The following OR5M1 variants were observed in gnomAD, a reference collection of about 807,000 sequenced individuals.
The protein encoded by OR5M1 is olfactory receptor 5M1.
For synonymous variants in OR5M1, 165 were observed against 144.2 expected (o/e 1.14, Z -1.04); for missense variants, 367 against 379.5 (o/e 0.97, Z 0.27).
rs1175492936 is a variant in OR5M1, at chr11:56,613,116, A to G, written c.387T>C (p.Pro129=). 1.9e-6 allele frequency: 3 copies of G among 1,613,894 alleles called. No homozygotes were observed. Among genetic ancestry groups the G allele is most frequent in the Non-Finnish European group, 1.7e-6 (2 of 1,179,836 alleles). ...TGGACATCCTGGAACTGTAATGCAA[A>G]GGGCTGCAAATGGCTACATAGCGAT... The part of the protein sequence containing the change: ...ALDRYVAICS[P]LHYSSRMSKN... The change falls in exon 2 of 2, where the codon CCT becomes CCC. Residue 129 remains proline (P), a synonymous_variant. Transcript: ENST00000641076.
At chr11:56,614,619 A>C (rs991039268) in intron 1 of OR5M1, among the ~76,000 whole-genome samples, 20 of 152,162 alleles carry the variant, frequency 1.3e-4, no homozygotes, top group African/African-American at 4.8e-4. Context: ...CAAAAATTCC[A>C]CCTTAAAGCC....
In OR5M1 at chr11:56,613,403, T is replaced by A; in HGVS notation, c.100A>T (p.Ile34Phe). The change falls in exon 2 of 2, where the codon ATC becomes TTC. Residue 34 changes from isoleucine to phenylalanine, a missense_variant. Ile to Phe is a conservative substitution (Grantham distance 21). Coordinates refer to ENST00000641076, the MANE Select transcript of OR5M1 (RefSeq NM_001004740.2). ...EKILFGVFLA[I>F]YLITLAGNLC... ...TTGCCTGCCAGTGTGATTAGGTAGA[T>A]CGCAAGGAATACCCCAAACAGGATC... The A allele has an allele frequency of 6.2e-7, 1 of 1,613,646 alleles. No individual in the cohort carries two copies. The highest frequency in any genetic ancestry group is 8.5e-7 in the Non-Finnish European group (1 of 1,179,638).
At chr11:56,613,864 A>T (rs1853712985) in intron 1 of OR5M1, among the ~76,000 whole-genome samples, 1 of 152,182 alleles carries the variant, frequency 6.6e-6, no homozygotes, top group Non-Finnish European at 1.5e-5. Flanking sequence ...GGAAACAAAA[A>T]ATCCAAAGGA....
rs1853706929 is a variant in OR5M1, at chr11:56,613,376, G to A, written c.127C>T (p.Leu43=). Residue 43 remains leucine (L), a synonymous_variant, in exon 2 of 2, where the codon CTG becomes TTG. Transcript: ENST00000641076. ...GTCCTGATCAGCAGGATCATGCACAGGTTGCCTGCCAGTGTGATTAGGTAG... is the reference window on the plus strand; with the variant it reads ...GTCCTGATCAGCAGGATCATGCACAAGTTGCCTGCCAGTGTGATTAGGTAG... ...AIYLITLAGN[L]CMILLIRTNS... 7 of 1,613,562 alleles carry A rather than the reference G, an allele frequency of 4.3e-6. No individual in the cohort carries two copies. The African/African-American group carries it at 5.3e-5, about 12-fold the overall frequency.
rs1209755217 is a variant in OR5M1, at chr11:56,611,641, G to A, written c.*914C>T. 6.6e-6 allele frequency: 1 copy of A among 152,062 alleles called. No individual in the cohort carries two copies. Among genetic ancestry groups the A allele is most frequent in the African/African-American group, 2.4e-5 (1 of 41,420 alleles). 9.4% of individuals were successfully genotyped at this position (152,062 alleles called of 1,614,324 possible). ...TCTGAGATTGATTTTCTCTATAGCA[G>A]CTTCAAGAACTACTAGAACACCCTT... On this transcript the variant is annotated 3_prime_UTR_variant, in exon 2 of 2. Coordinates refer to ENST00000641076, the MANE Select transcript of OR5M1 (RefSeq NM_001004740.2).
rs769626809 is a variant in OR5M1 at position 56,612,799 on chromosome 11, T to C, written c.704A>G (p.His235Arg). ...IFRIRSAEGR[H>R]KAFSTCASHL... ...GGAAGCACACGTAGAAAAGGCTTTG[T>C]GCCTGCCTTCAGCAGAACGGATCCT... The change falls in exon 2 of 2, where the codon CAC becomes CGC. Residue 235 changes from histidine to arginine, a missense_variant. Coordinates refer to ENST00000641076, the MANE Select transcript of OR5M1 (RefSeq NM_001004740.2). The C allele has an allele frequency of 6.8e-6, 11 of 1,613,784 alleles. No homozygotes were observed. In the South Asian group the frequency reaches 7.7e-5, roughly 11 times the overall value.
Position 56,611,549 on chromosome 11 carries a change from T to C in OR5M1, c.*1006A>G, listed in dbSNP as rs546416667. The C allele has an allele frequency of 3.3e-5, 5 of 152,246 alleles. No individual in the cohort carries two copies. Among genetic ancestry groups the C allele is most frequent in the South Asian group, 2.1e-4 (1 of 4,834 alleles). The allele number at this position is 152,246 out of a possible 1,614,324, so 9.4% of individuals were successfully genotyped here. On this transcript the variant is annotated 3_prime_UTR_variant, in exon 2 of 2. Transcript: ENST00000641076. ...GCAATTTATTAGGGCTAAATACATA[T>C]GTATCAATATGCAGTCATCTGGTTG...
At position 56,612,986 on chromosome 11, in the gene OR5M1, C is replaced by T. The variant is rs1853699233; in HGVS notation, c.517G>A (p.Glu173Lys). 1 of 1,613,790 alleles carries T rather than the reference C, an allele frequency of 6.2e-7. No individual in the cohort carries two copies. The highest frequency in any genetic ancestry group is 1.1e-5 in the South Asian group (1 of 91,070). Residue 173 changes from glutamate to lysine, a missense_variant, in exon 2 of 2, where the codon GAA becomes AAA. Coordinates refer to ENST00000641076, the MANE Select transcript of OR5M1 (RefSeq NM_001004740.2). ...TFHLSFCGSL[E>K]INHFYCADPP... is the part of the protein sequence containing the mutation. ...TCAGCGCAGTAGAAATGATTGATTT[C>T]AAGGGAGCCACAGAAGGATAAGTGA...
At chr11:56,614,057 C>T (rs918938225) in intron 1 of OR5M1, among the ~76,000 whole-genome samples, 6 of 152,098 alleles carry the variant, frequency 3.9e-5, no homozygotes, top group Admixed American at 1.3e-4. Context: ...TATTCAGGAA[C>T]GATTAAACTA....
Position 56,611,728 on chromosome 11 carries a change from C to T in OR5M1, c.*827G>A, listed in dbSNP as rs139544527. On this transcript the variant is annotated 3_prime_UTR_variant, in exon 2 of 2. Coordinates refer to ENST00000641076, the MANE Select transcript of OR5M1 (RefSeq NM_001004740.2). ...GCAAAATAAACACTGAGTATTTCCT[C>T]CAGAAACATATATACACCCCTATTT... 2.7e-3 allele frequency: 406 copies of T among 152,120 alleles called. No individual in the cohort carries two copies. Among genetic ancestry groups the T allele is most frequent in the African/African-American group, 9.4e-3 (391 of 41,500 alleles). 9.4% of individuals were successfully genotyped at this position (152,120 alleles called of 1,614,324 possible). A position where few individuals can be genotyped will look rare whatever the true frequency, so the allele number is the denominator to read the frequency against.
At chr11:56,613,683 T>G (rs1472593791) in intron 1 of OR5M1, among the ~76,000 whole-genome samples, 164 bp from the exon 2 acceptor site, 1 of 152,218 alleles carries the variant, frequency 6.6e-6, no homozygotes, top group Non-Finnish European at 1.5e-5. Context: ...CCTATATGTC[T>G]GTTTTAATCT....
In OR5M1 at chr11:56,612,477, C is replaced by T. The variant is rs192562685; in HGVS notation, c.*78G>A. On this transcript the variant is annotated 3_prime_UTR_variant, in exon 2 of 2. Transcript: ENST00000641076. ...ACAGTCCATGATGTTAAATAAATCA[C>T]GACTACACTAGGTTTTTCCATTTCA... 4.6e-5 allele frequency: 48 copies of T among 1,044,424 alleles called. No homozygotes were observed. The Admixed American group carries it at 7.8e-4, about 17-fold the overall frequency. The allele number at this position is 1,044,424 out of a possible 1,614,324, so 64.7% of individuals were successfully genotyped here. A position where few individuals can be genotyped will look rare whatever the true frequency, so the allele number is the denominator to read the frequency against.
In OR5M1 at chr11:56,612,811, G is replaced by A. The variant is rs749172773; in HGVS notation, c.692C>T (p.Ala231Val). The A allele has an allele frequency of 1.2e-6, 2 of 1,613,792 alleles. No individual in the cohort carries two copies. Among genetic ancestry groups the A allele is most frequent in the Non-Finnish European group, 1.7e-6 (2 of 1,179,786 alleles). ...IFAAIFRIRS[A>V]EGRHKAFSTC... ...AGAAAAGGCTTTGTGCCTGCCTTCA[G>A]CAGAACGGATCCTGAAGATCGCTGC... Residue 231 changes from alanine (A) to valine (V), a missense_variant, in exon 2 of 2, where the codon GCT (alanine) becomes GTT (valine). By Grantham distance (64) the Ala-to-Val change is moderately conservative. Transcript: ENST00000641076.
At chr11:56,613,673 C>T (rs1853711621) in intron 1 of OR5M1, among the ~76,000 whole-genome samples, 154 bp from the exon 2 acceptor site, 1 of 152,088 alleles carries the variant, frequency 6.6e-6, no homozygotes, top group Admixed American at 6.6e-5. Context: ...ACATTGTCTC[C>T]CTATATGTCT....
rs755311166 is a variant in OR5M1 at position 56,613,362 on chromosome 11, C to T, written c.141G>A (p.Leu47=). Residue 47 remains leucine, a synonymous_variant, in exon 2 of 2, where the codon CTG becomes CTA. Coordinates refer to ENST00000641076, the MANE Select transcript of OR5M1 (RefSeq NM_001004740.2). The stretch of plus-strand genomic sequence containing the variant: ...GCAGGTGGGAATTGGTCCTGATCAG[C>T]AGGATCATGCACAGGTTGCCTGCCA... ...ITLAGNLCMI[L]LIRTNSHLQT... is the part of the protein sequence containing the mutation. 6 of 1,613,672 alleles carry T rather than the reference C, an allele frequency of 3.7e-6. No homozygotes were observed. Among genetic ancestry groups the T allele is most frequent in the Non-Finnish European group, 5.1e-6 (6 of 1,179,656 alleles).
At chr11:56,614,342 G>GA (rs1223403449) in intron 1 of OR5M1, among the ~76,000 whole-genome samples, 1 of 152,134 alleles carries the variant, frequency 6.6e-6, no homozygotes, top group East Asian at 1.9e-4. Flanking sequence ...ATTTTTCTGT[G>GA]AAGAAAACAT....
chr11:56,613,015 G>C lies in OR5M1; in HGVS notation c.488C>G (p.Thr163Ser). 1 of 1,613,846 alleles carries C rather than the reference G, an allele frequency of 6.2e-7. No homozygotes were observed. Among genetic ancestry groups the C allele is most frequent in the Non-Finnish European group, 8.5e-7 (1 of 1,179,826 alleles). ...GGAGCCACAGAAGGATAAGTGAAAG[G>C]TTAGCAGTGACTGAGAGAACCCACT... ...FLSGFSQSLL[T>S]FHLSFCGSLE... is the part of the protein sequence containing the mutation. The change falls in exon 2 of 2, where the codon ACC (threonine) becomes AGC (serine). Residue 163 changes from threonine (T) to serine (S), a missense_variant. By Grantham distance (58) the Thr-to-Ser change is moderately conservative (BLOSUM62 1). Coordinates refer to ENST00000641076, the MANE Select transcript of OR5M1 (RefSeq NM_001004740.2).
rs1853703085 is a variant in OR5M1 at position 56,613,185 on chromosome 11, G to A, written c.318C>T (p.Ala106=). The part of the protein sequence containing the change: ...GCFTQCLLFI[A]LVITEFYILA... Reference sequence around the variant, plus strand: ...GGATGTAAAACTCAGTGATCACCAGGGCGATGAAGAGAAGACACTGTGTGA... The same window carrying A: ...GGATGTAAAACTCAGTGATCACCAGAGCGATGAAGAGAAGACACTGTGTGA... Residue 106 remains alanine (A), a synonymous_variant, in exon 2 of 2, where the codon GCC becomes GCT. Coordinates refer to ENST00000641076, the MANE Select transcript of OR5M1 (RefSeq NM_001004740.2). The A allele has an allele frequency of 1.2e-6, 2 of 1,613,814 alleles. No individual in the cohort carries two copies. The highest frequency in any genetic ancestry group is 1.7e-6 in the Non-Finnish European group (2 of 1,179,798).
chr11:56,613,351 G>C lies in OR5M1; in HGVS notation c.152C>G (p.Thr51Ser). The C allele has an allele frequency of 6.2e-7, 1 of 1,613,702 alleles. No individual in the cohort carries two copies. Among genetic ancestry groups the C allele is most frequent in the Non-Finnish European group, 8.5e-7 (1 of 1,179,678 alleles). The change falls in exon 2 of 2, where the codon ACC becomes AGC. Residue 51 changes from threonine to serine, a missense_variant. Thr to Ser is a moderately conservative substitution (Grantham distance 58). Coordinates refer to ENST00000641076, the MANE Select transcript of OR5M1 (RefSeq NM_001004740.2). ...GNLCMILLIR[T>S]NSHLQTPMYF... Reference sequence around the variant, plus strand: ...CATGGGTGTTTGCAGGTGGGAATTGGTCCTGATCAGCAGGATCATGCACAG... The same window carrying C: ...CATGGGTGTTTGCAGGTGGGAATTGCTCCTGATCAGCAGGATCATGCACAG...
Sources: gnomAD v4.1 joint callset for allele counts (sites outside exome capture counted in the v4.1 genomes callset) on GRCh38, gnomAD v4.1.1 for gene constraint, MANE v1.5 for transcripts, NCBI Gene and HGNC (gene_info 2026-07-23, HGNC 2026-07-21) for gene names.